The following RRM2 variants were observed in gnomAD, a reference collection of about 807,000 sequenced individuals.
The protein encoded by RRM2 is ribonucleoside-diphosphate reductase subunit M2.
RRM2 carries 6 observed loss-of-function variants against 45.9 expected under a neutral mutation model. The ratio of observed to expected loss-of-function variants is 0.13; its 90% CI spans 0.07 to 0.26. The LOEUF (loss-of-function observed/expected upper bound fraction) is 0.26. Ranked by LOEUF, RRM2 falls within the 10% of genes least tolerant of loss-of-function variation. The probability of loss-of-function intolerance (pLI) is 1.00; values close to 1 mark genes in which losing one functional copy is unlikely to be tolerated. For synonymous variants in RRM2, 177 were observed against 173.0 expected (o/e 1.02, Z -0.18); for missense variants, 343 against 489.5 (o/e 0.70, Z 2.82).
At chr2:10,139,241 C>T (rs1328141436), upstream of RRM2, among the ~76,000 whole-genome samples, 1 of 152,204 alleles carries the variant, frequency 6.6e-6, no homozygotes, top group Non-Finnish European at 1.5e-5. Context: ...CGTCTGCCGC[C>T]TCAGCCCTGG....
chr2:10,153,738 C>T (rs1663366685), intron 3 of RRM2, among the ~76,000 whole-genome samples: 1 of 152,178 alleles, frequency 6.6e-6, no homozygotes, highest in South Asian at 2.1e-4. Flanking sequence ...GAATGTCCAA[C>T]AAATAAGACA....
chr2:10,129,090 C>T lies in RRM2; in HGVS notation c.953C>T (p.Thr318Ile). 1 of 1,614,194 alleles carries T rather than the reference C, an allele frequency of 6.2e-7. No individual in the cohort carries two copies. The highest frequency in any genetic ancestry group is 8.5e-7 in the Non-Finnish European group (1 of 1,180,024). The part of the protein sequence containing the change: ...LPVKLIGMNC[T>I]LMKQYIEFVA... ...GTGAAGCTCATTGGGATGAATTGCACTCTAATGAAGCAATACATTGAGTTT... is the reference window on the plus strand; with the variant it reads ...GTGAAGCTCATTGGGATGAATTGCATTCTAATGAAGCAATACATTGAGTTT... Residue 318 changes from threonine to isoleucine, a missense_variant, in exon 9 of 10, where the codon ACT becomes ATT. Coordinates refer to ENST00000304567, the MANE Select transcript of RRM2 (RefSeq NM_001034.4). The surrounding 1 kb of genome is among the most constrained non-coding windows in gnomAD (Gnocchi z 4.8).
intron 3 of RRM2, among the ~76,000 whole-genome samples, chr2:10,182,419 TC>T (rs1329536668): frequency 6.6e-6 from 1 of 152,046 alleles, no homozygotes; most frequent in Non-Finnish European, 1.5e-5. Flanking sequence ...AACTAGGTGG[TC>T]TAGAAACAAT....
At position 10,205,359 on chromosome 2, in the gene RRM2, T is replaced by C. The variant is rs903716845; in HGVS notation, n.483-4952T>C. Among the ~76,000 whole-genome samples the C allele has an allele frequency of 2.6e-5, 4 of 152,284 alleles. No homozygotes were observed. Among genetic ancestry groups the C allele is most frequent in the Admixed American group, 2.0e-4 (3 of 15,304 alleles). The stretch of plus-strand genomic sequence containing the variant: ...CATCCTCCCCAGGTCAGAACACATT[T>C]TGGGGCAGAACCGAGTTTTCTCTTC... On this transcript the variant is annotated intron_variant and non_coding_transcript_variant, in intron 3 of 3. Coordinates refer to the RRM2 transcript ENST00000381786. This position sits in a 1 kb window ranked among gnomAD's most constrained non-coding sequence, Gnocchi z 4.8.
In RRM2 at chr2:10,205,572, A is replaced by T. The variant is rs761393860; in HGVS notation, n.483-4739A>T. 6.6e-6 allele frequency among the ~76,000 whole-genome samples: 1 copy of T among 152,200 alleles called. No homozygotes were observed. Among genetic ancestry groups the T allele is most frequent in the Non-Finnish European group, 1.5e-5 (1 of 68,028 alleles). On this transcript the variant is annotated intron_variant and non_coding_transcript_variant, in intron 3 of 3. Coordinates refer to the RRM2 transcript ENST00000381786. This position sits in a 1 kb window ranked among gnomAD's most constrained non-coding sequence, Gnocchi z 4.8. The stretch of plus-strand genomic sequence containing the variant: ...CAGGAGGAGAGACATGGAAAGGGAG[A>T]GAGATACCTTCCGTTTCAAGGAATA...
At chr2:10,154,233 G>T (rs1403395734) in intron 3 of RRM2, among the ~76,000 whole-genome samples, 1 of 152,162 alleles carries the variant, frequency 6.6e-6, no homozygotes, top group Non-Finnish European at 1.5e-5. Flanking sequence ...CAGCACTTTG[G>T]GAGGCCTAGG....
intron 3 of RRM2, among the ~76,000 whole-genome samples, chr2:10,203,921 ATGG>A (rs1202012536): frequency 6.6e-6 from 1 of 151,928 alleles, no homozygotes; most frequent in Non-Finnish European, 1.5e-5. Flanking sequence ...AAAGACTCAA[ATGG>A]TGGCTGCGCC....
At chr2:10,142,416 C>T (rs746803725) in intron 3 of RRM2, 1 of 1,367,492 alleles carries the variant, frequency 7.3e-7, no homozygotes, top group Admixed American at 1.9e-5. Context: ...GGAAGAGGGG[C>T]CACTGTGGAG....
At chr2:10,186,031 T>A (rs2125327112) in intron 3 of RRM2, among the ~76,000 whole-genome samples, 2 of 152,324 alleles carry the variant, frequency 1.3e-5, no homozygotes, top group Middle Eastern at 3.4e-3. Context: ...TCGGCAGAAA[T>A]CTTCAATATC....
chr2:10,200,592 G>A (rs12999000), intron 3 of RRM2, among the ~76,000 whole-genome samples: 1,100 of 19,474 alleles, frequency 0.056, 312 homozygotes, highest in African/African-American at 0.23. Context: ...GACCGCGCGC[G>A]CAAAATATGA....
rs2125334989 is a variant in RRM2 at position 10,205,116 on chromosome 2, G to A, written n.483-5195G>A. On this transcript the variant is annotated intron_variant and non_coding_transcript_variant, in intron 3 of 3. Coordinates refer to the RRM2 transcript ENST00000381786. The surrounding 1 kb of genome is among the most constrained non-coding windows in gnomAD (Gnocchi z 4.8). ...TGTCCTTACCGTCTCTTCAGAATCTGTCTGCTTCACCCTGAATCTTGTCTA... is the reference window on the plus strand; with the variant it reads ...TGTCCTTACCGTCTCTTCAGAATCTATCTGCTTCACCCTGAATCTTGTCTA... Among the ~76,000 whole-genome samples the A allele has an allele frequency of 6.6e-6, 1 of 152,328 alleles. No homozygotes were observed. The highest frequency in any genetic ancestry group is 1.9e-4 in the East Asian group (1 of 5,188).
At chr2:10,123,945 A>T in intron 4 of RRM2, 93 bp downstream of exon 4, 1 of 759,746 alleles carries the variant, frequency 1.3e-6, no homozygotes, top group Non-Finnish European at 2.4e-6. Context: ...TTCCATGCTG[A>T]GTGCATCTGT....
rs1664506920 is a variant in RRM2 at position 10,199,800 on chromosome 2, A to AAAAAAAAAAC, written n.483-10507_483-10498dup. Among the ~76,000 whole-genome samples the AAAAAAAAAAC allele has an allele frequency of 4.0e-3, 389 of 97,838 alleles. 34 individuals carry two copies. Among genetic ancestry groups the AAAAAAAAAAC allele is most frequent in the East Asian group, 6.7e-3 (17 of 2,548 alleles). 64.2% of individuals were successfully genotyped at this position (97,838 alleles called of 152,430 possible). ...GTCTCAAAAAAAAAAAAAAAAAAAAAAAAAAAAAACAAATCATGGTATGAC... is the reference window on the plus strand; with the variant it reads ...GTCTCAAAAAAAAAAAAAAAAAAAAAAAAAAAAAACAAAAAAAAACAAATCATGGTATGAC... On this transcript the variant is annotated intron_variant and non_coding_transcript_variant, in intron 3 of 3. Coordinates refer to the RRM2 transcript ENST00000381786.
intron 3 of RRM2, among the ~76,000 whole-genome samples, chr2:10,187,485 G>A (rs982771289): frequency 2.6e-5 from 4 of 152,202 alleles, no homozygotes; most frequent in East Asian, 1.9e-4. Context: ...GCGTCTCCCC[G>A]CAGCTGTCTT....
At position 10,122,849 on chromosome 2, in the gene RRM2, G is replaced by A. The variant is rs774343461; in HGVS notation, c.51G>A (p.Leu17=). ...CGCCCATCACGGACCCGCAGCAGCT[G>A]CAGCTCTCGCCGCTGAAGGGGCTCA... The part of the protein sequence containing the change: ...PLAPITDPQQ[L]QLSPLKGLSL... Residue 17 remains leucine (L), a synonymous_variant, in exon 1 of 10, where the codon CTG becomes CTA. Coordinates refer to ENST00000304567, the MANE Select transcript of RRM2 (RefSeq NM_001034.4). 4 of 1,602,018 alleles carry A rather than the reference G, an allele frequency of 2.5e-6. No individual in the cohort carries two copies. In the African/African-American group the frequency reaches 4.0e-5, roughly 16 times the overall value.
At chr2:10,155,342 T>G (rs1663401446) in intron 3 of RRM2, 1 of 168,196 alleles carries the variant, frequency 5.9e-6, no homozygotes, top group African/African-American at 2.4e-5. Context: ...TGAGGCTCCC[T>G]CCTCTGGGTT....
At chr2:10,210,325 A>G in exon 4 of RRM2, 1 of 1,366,128 alleles carries the variant, frequency 7.3e-7, no homozygotes, top group Non-Finnish European at 9.8e-7. Context: ...CCAGGATCTC[A>G]ACCAGTTCTC....
chr2:10,123,151 C>T (rs536433842), intron 2 of RRM2, 94 bp downstream of exon 2: 2 of 1,401,008 alleles, frequency 1.4e-6, no homozygotes, highest in Non-Finnish European at 1.9e-6. Context: ...ACACTCCCGC[C>T]CCGGCTCCTT....
At chr2:10,198,158 C>T (rs1664453385) in intron 3 of RRM2, among the ~76,000 whole-genome samples, 1 of 152,226 alleles carries the variant, frequency 6.6e-6, no homozygotes, top group South Asian at 2.1e-4. Flanking sequence ...TATGCACAGG[C>T]TTCAGGGGAG....
Sources: gnomAD v4.1 joint callset for allele counts (sites outside exome capture counted in the v4.1 genomes callset) on GRCh38, gnomAD v4.1.1 for gene constraint, Gnocchi (gnomAD v3.1) non-coding constraint, MANE v1.5 for transcripts, NCBI Gene and HGNC (gene_info 2026-07-23, HGNC 2026-07-21) for gene names.